CCDC57: variants seen among roughly 807,000 people sequenced by gnomAD.
The protein encoded by CCDC57 is coiled-coil domain-containing protein 57.
A neutral mutation model predicts 118.9 loss-of-function variants in CCDC57; 118 were observed. That is an observed-to-expected ratio of 0.99 (90% CI 0.86 to 1.16). The LOEUF is 1.16. CCDC57 is among the 50% of genes most tolerant of loss of function. The pLI, the probability that CCDC57 is intolerant of heterozygous loss-of-function variation, is 0.00. For missense variants in CCDC57, 1,300 were observed against 1,320.7 expected (o/e 0.98, Z 0.24); for synonymous variants, 527 against 532.9 (o/e 0.99, Z 0.15).
At chr17:82,188,518 T>A in intron 7 of CCDC57, 99 bp from the exon 7 acceptor site, 4 of 1,197,946 alleles carry the variant, frequency 3.3e-6, no homozygotes, top group Non-Finnish European at 4.6e-6. Flanking sequence ...CGTGCACAGG[T>A]GCTGCTGTAT....
chr17:82,187,845 G>A (rs2146605764), intron 8 of CCDC57, among the ~76,000 whole-genome samples: 1 of 149,922 alleles, frequency 6.7e-6, no homozygotes, highest in African/African-American at 2.5e-5. Context: ...TGGGGGAGGC[G>A]TTGGTGTGTA....
At chr17:82,184,016 TGCGC>T (rs141760654) in intron 8 of CCDC57, 84 bp from the exon 8 acceptor site, 28,866 of 303,086 alleles carry the variant, frequency 0.095, 4,366 homozygotes, top group Admixed American at 0.13. Context: ...CAAATACACA[TGCGC>T]GCGCGCGCGC....
chr17:82,135,808 C>T (rs2039070174), intron 16 of CCDC57, among the ~76,000 whole-genome samples: 1 of 86,264 alleles, frequency 1.2e-5, no homozygotes, highest in Non-Finnish European at 2.3e-5. Flanking sequence ...ACCTGTAACC[C>T]CAGCACACTG....
chr17:82,204,409 C>T (rs1316665418), intron 2 of CCDC57, among the ~76,000 whole-genome samples: 3 of 152,332 alleles, frequency 2.0e-5, no homozygotes, highest in Non-Finnish European at 4.4e-5. Context: ...TCGGCCACCA[C>T]AGTGTCTTAC....
At chr17:82,203,940 A>G (rs556633687) in intron 2 of CCDC57, among the ~76,000 whole-genome samples, 4 of 152,260 alleles carry the variant, frequency 2.6e-5, no homozygotes, top group Middle Eastern at 3.4e-3. Context: ...CAACTCCCAG[A>G]GGGAGCGGGT....
intron 4 of CCDC57, among the ~76,000 whole-genome samples, chr17:82,197,424 T>C (rs2048456802): frequency 6.6e-6 from 1 of 152,266 alleles, no homozygotes; most frequent in Non-Finnish European, 1.5e-5. Context: ...GCTGAGTCTC[T>C]TGGAGGTGTA....
chr17:82,206,144 T>C (rs2049608249), intron 2 of CCDC57, among the ~76,000 whole-genome samples: 1 of 152,218 alleles, frequency 6.6e-6, no homozygotes, highest in African/African-American at 2.4e-5. Flanking sequence ...TTCACCCTCT[T>C]TCAGGAGAAC....
rs34960755 is a variant in CCDC57 at position 82,116,102 on chromosome 17, CT to C, written c.2899+11589del. On this transcript the variant is annotated intron_variant, in intron 19 of 19. Transcript: ENST00000665763. ...GTGAGCCACCGCGCCCGGCCACAACCTTTTTTTTTTTTTTTTTTTAAAGTAA... is the reference window on the plus strand; with the variant it reads ...GTGAGCCACCGCGCCCGGCCACAACCTTTTTTTTTTTTTTTTTTAAAGTAA... Among the ~76,000 whole-genome samples, 666 of 127,788 alleles carry C rather than the reference CT, an allele frequency of 5.2e-3. 5 individuals carry two copies. The highest frequency in any genetic ancestry group is 0.023 in the Middle Eastern group (5 of 222). 83.8% of individuals were successfully genotyped at this position (127,788 alleles called of 152,430 possible). A position where few individuals can be genotyped will look rare whatever the true frequency, so the allele number is the denominator to read the frequency against.
intron 19 of CCDC57, chr17:82,107,315 G>A: frequency 2.4e-6 from 1 of 423,172 alleles, no homozygotes; most frequent in South Asian, 1.7e-5. Flanking sequence ...CAGGTTGGGG[G>A]TGGGGGGATG....
intron 19 of CCDC57, among the ~76,000 whole-genome samples, chr17:82,124,073 C>T (rs1445720578): frequency 2.0e-5 from 3 of 150,918 alleles, no homozygotes; most frequent in East Asian, 1.9e-4. Context: ...GTGGTGGTGG[C>T]GGGGGCTACC....
intron 19 of CCDC57, chr17:82,127,219 T>A (rs761221605): frequency 3.6e-4 from 355 of 985,418 alleles, no homozygotes; most frequent in Admixed American, 4.3e-4. Context: ...CTGACACTTG[T>A]CTGGCCCGTG....
chr17:82,134,046 T>C, intron 17 of CCDC57, 27 bp downstream of exon 16: 2 of 1,358,732 alleles, frequency 1.5e-6, no homozygotes, highest in East Asian at 3.1e-5. Context: ...TTTTTAAAAA[T>C]GCATGTCTTA....
chr17:82,178,532 T>C, exon 11 of CCDC57: 1 of 1,613,834 alleles, frequency 6.2e-7, no homozygotes, highest in Non-Finnish European at 8.5e-7. Context: ...CTGGTCTCGT[T>C]CCAGGGTCAC....
At chr17:82,144,690 A>G (rs955769836) in intron 16 of CCDC57, among the ~76,000 whole-genome samples, 10 of 152,248 alleles carry the variant, frequency 6.6e-5, no homozygotes, top group Non-Finnish European at 1.2e-4. Context: ...TATTGTTATA[A>G]GATTTTAAAT....
At chr17:82,183,894 T>C in exon 9 of CCDC57, 3 of 1,613,758 alleles carry the variant, frequency 1.9e-6, no homozygotes, top group Non-Finnish European at 2.5e-6. Context: ...AATTTGAGCA[T>C]CCCAGGCAGA....
intron 12 of CCDC57, 103 bp from the exon 12 acceptor site, chr17:82,171,956 C>A: frequency 8.2e-7 from 1 of 1,221,990 alleles, no homozygotes; most frequent in Non-Finnish European, 1.2e-6. Flanking sequence ...TCATGCCCGC[C>A]AGCTTCACTG....
chr17:82,172,626 C>T lies in CCDC57; in HGVS notation c.1729+12G>A. 6.5e-7 allele frequency: 1 copy of T among 1,549,102 alleles called. No homozygotes were observed. On this transcript the variant is annotated intron_variant, in intron 12 of 19. Coordinates refer to ENST00000665763, the Ensembl canonical transcript of CCDC57. This position sits in a 1 kb window ranked among gnomAD's most constrained non-coding sequence, Gnocchi z 5.2. ...TCCTCTCCCGCTCTGTCCGTTTCTC[C>T]CACTTACTCACCAGGAGTGGCGGCA...
chr17:82,166,292 T>C (rs1167059219), intron 13 of CCDC57, among the ~76,000 whole-genome samples: 7 of 151,578 alleles, frequency 4.6e-5, no homozygotes, highest in South Asian at 2.1e-4. Context: ...AGAGAATTGC[T>C]TGAAGCCAAT....
chr17:82,103,518 C>T (rs1404338888), intron 19 of CCDC57, among the ~76,000 whole-genome samples: 1 of 152,176 alleles, frequency 6.6e-6, no homozygotes, highest in East Asian at 1.9e-4. Flanking sequence ...TGGGGTATCC[C>T]GTGGAAAGGG....
Sources: gnomAD v4.1 joint callset for allele counts (sites outside exome capture counted in the v4.1 genomes callset) on GRCh38, gnomAD v4.1.1 for gene constraint, Gnocchi (gnomAD v3.1) non-coding constraint, MANE v1.5 for transcripts, NCBI Gene and HGNC (gene_info 2026-07-23, HGNC 2026-07-21) for gene names.